The following TMX1 variants were observed in gnomAD, a reference collection of about 807,000 sequenced individuals.
The protein encoded by TMX1 is thioredoxin-related transmembrane protein 1.
TMX1 carries 25 observed loss-of-function variants against 36.6 expected under a neutral mutation model. That is an observed-to-expected ratio of 0.68 (90% CI 0.50 to 0.95). TMX1 has a LOEUF of 0.95. Among genes scored for constraint, TMX1 ranks in the 40% least tolerant of loss-of-function variants. TMX1 has a pLI of 0.00. For synonymous variants in TMX1, 133 were observed against 118.0 expected, an observed-to-expected ratio of 1.13 and a Z score of -0.82; for missense variants, 347 against 339.6, an observed-to-expected ratio of 1.02 and a Z score of -0.17.
At chr14:51,244,046 T>C in intron 2 of TMX1, 75 bp downstream of exon 2, 1 of 1,195,414 alleles carries the variant, frequency 8.4e-7, no homozygotes, top group Non-Finnish European at 1.2e-6. Flanking sequence ...CTACATTGCA[T>C]AGTCTTAATT....
At chr14:51,254,233 AATT>A in intron 7 of TMX1, 105 bp from the exon 8 acceptor site, 1 of 876,942 alleles carries the variant, frequency 1.1e-6, no homozygotes, top group East Asian at 3.1e-5. Flanking sequence ...AAACATGATA[AATT>A]TATGCCAAAG....
At chr14:51,244,957 C>T (rs549052772) in intron 2 of TMX1, among the ~76,000 whole-genome samples, 2 of 152,068 alleles carry the variant, frequency 1.3e-5, no homozygotes, top group Non-Finnish European at 2.9e-5. Flanking sequence ...AAGTACAATT[C>T]CATTGGATTT....
In TMX1 at chr14:51,240,286, CG is replaced by C. The variant is rs2065753542; in HGVS notation, c.-5del. 6.2e-7 allele frequency: 1 copy of C among 1,608,458 alleles called. No individual in the cohort carries two copies. Among genetic ancestry groups the C allele is most frequent in the African/African-American group, 1.3e-5 (1 of 74,890 alleles). ...CCGCGCTCCCTGTGAGGTGGGCAAG[CG>C]GCGAAATGGCGCCCTCCGGGAGTCT... On this transcript the variant is annotated 5_prime_UTR_variant, in exon 1 of 8. Transcript: ENST00000457354.
intron 2 of TMX1, 83 bp from the exon 3 acceptor site, chr14:51,245,230 A>G (rs2065779752): frequency 6.9e-7 from 1 of 1,439,318 alleles, no homozygotes; most frequent in East Asian, 2.3e-5. Context: ...TCCTATTAGT[A>G]TGTATTTAAA....
At chr14:51,241,881 G>C (rs991791550) in intron 1 of TMX1, among the ~76,000 whole-genome samples, 3 of 152,208 alleles carry the variant, frequency 2.0e-5, no homozygotes, top group Admixed American at 1.3e-4. Flanking sequence ...TGTAATCCCA[G>C]CACTTTGGGA....
intron 6 of TMX1, 31 bp from the exon 7 acceptor site, chr14:51,249,662 T>C (rs773406410): frequency 1.9e-6 from 3 of 1,604,216 alleles, no homozygotes; most frequent in South Asian, 1.1e-5. Context: ...ATATTCTACA[T>C]TCAGATTTCT....
At chr14:51,253,596 T>C (rs905708101) in intron 7 of TMX1, among the ~76,000 whole-genome samples, 1 of 152,236 alleles carries the variant, frequency 6.6e-6, no homozygotes, top group African/African-American at 2.4e-5. Context: ...GACCCAGTTC[T>C]GTCTCCTGTA....
At chr14:51,252,750 C>T (rs1451377062) in intron 7 of TMX1, among the ~76,000 whole-genome samples, 2 of 152,048 alleles carry the variant, frequency 1.3e-5, no homozygotes, top group African/African-American at 2.4e-5. Context: ...TAAGGAAACC[C>T]AACTCAATCT....
At chr14:51,240,905 A>T (rs2065757788) in intron 1 of TMX1, among the ~76,000 whole-genome samples, 1 of 152,146 alleles carries the variant, frequency 6.6e-6, no homozygotes, top group African/African-American at 2.4e-5. Context: ...TAGTCTCTTT[A>T]TGGTGTTGGA....
At chr14:51,244,242 C>T in intron 2 of TMX1, 1 of 226,334 alleles carries the variant, frequency 4.4e-6, no homozygotes, top group South Asian at 1.5e-4. Flanking sequence ...TTTATTCTTG[C>T]CCACATAACT....
At chr14:51,251,914 T>C (rs989207864) in intron 7 of TMX1, among the ~76,000 whole-genome samples, 1 of 152,058 alleles carries the variant, frequency 6.6e-6, no homozygotes, top group African/African-American at 2.4e-5. Flanking sequence ...AATGGGAAAA[T>C]CTATAGGCCC....
Position 51,254,334 on chromosome 14 carries a change from C to G in TMX1, c.665-7C>G. 6.3e-7 allele frequency: 1 copy of G among 1,577,688 alleles called. No homozygotes were observed. Among genetic ancestry groups the G allele is most frequent in the Non-Finnish European group, 8.6e-7 (1 of 1,168,340 alleles). On this transcript the variant is annotated splice_region_variant and splice_polypyrimidine_tract_variant and intron_variant, in intron 7 of 7. Transcript: ENST00000457354. Reference sequence around the variant, plus strand: ...ACAAAAATACATTTTTGGTCTTTGTCTTTAAGAAAAATTATTATCAGAATC... The same window carrying G: ...ACAAAAATACATTTTTGGTCTTTGTGTTTAAGAAAAATTATTATCAGAATC...
At chr14:51,240,713 T>A (rs1416221810) in intron 1 of TMX1, among the ~76,000 whole-genome samples, 6 of 152,172 alleles carry the variant, frequency 3.9e-5, no homozygotes, top group Non-Finnish European at 8.8e-5. Context: ...TTAGTGCCAA[T>A]GCGAATTCTG....
At position 51,253,505 on chromosome 14, in the gene TMX1, G is replaced by A. The variant is rs577479750; in HGVS notation, c.665-836G>A. Among the ~76,000 whole-genome samples the A allele has an allele frequency of 4.6e-5, 7 of 152,214 alleles. No homozygotes were observed. In the East Asian group the frequency reaches 1.4e-3, roughly 29 times the overall value. On this transcript the variant is annotated intron_variant, in intron 7 of 7. Coordinates refer to ENST00000457354, the MANE Select transcript of TMX1 (RefSeq NM_030755.5). Reference sequence around the variant, plus strand: ...TTATTAACCCAATCCTTCCTTGCGGGTGTCCCCTCCCTGGCCCCACCATTC... The same window carrying A: ...TTATTAACCCAATCCTTCCTTGCGGATGTCCCCTCCCTGGCCCCACCATTC...
At chr14:51,245,267 C>T in intron 2 of TMX1, 46 bp from the exon 3 acceptor site, 2 of 1,610,700 alleles carry the variant, frequency 1.2e-6, no homozygotes, top group Non-Finnish European at 1.7e-6. Context: ...TTTAAGTAGT[C>T]AGTGATTGGC....
At chr14:51,246,286 G>A (rs1233273262) in intron 3 of TMX1, among the ~76,000 whole-genome samples, 1 of 151,904 alleles carries the variant, frequency 6.6e-6, no homozygotes, top group Non-Finnish European at 1.5e-5. Context: ...AGTCAAAATT[G>A]TTTACCATAT....
At chr14:51,247,429 T>C (rs2065791177) in intron 4 of TMX1, among the ~76,000 whole-genome samples, 4 of 145,924 alleles carry the variant, frequency 2.7e-5, no homozygotes, top group African/African-American at 1.0e-4. Flanking sequence ...CAATCTCGGC[T>C]CACTGCAAGC....
At chr14:51,244,896 G>C (rs1199026305) in intron 2 of TMX1, among the ~76,000 whole-genome samples, 1 of 152,128 alleles carries the variant, frequency 6.6e-6, no homozygotes, top group Non-Finnish European at 1.5e-5. Context: ...AAGATTCATA[G>C]TATTTTCCAT....
intron 4 of TMX1, 50 bp downstream of exon 4, chr14:51,247,270 G>T: frequency 1.3e-6 from 2 of 1,523,570 alleles, no homozygotes. Flanking sequence ...AATTGGAACA[G>T]ATAATTATAT....
Sources: gnomAD v4.1 joint callset for allele counts (sites outside exome capture counted in the v4.1 genomes callset) on GRCh38, gnomAD v4.1.1 for gene constraint, MANE v1.5 for transcripts, NCBI Gene and HGNC (gene_info 2026-07-23, HGNC 2026-07-21) for gene names.